The following GPC5 variants were observed in gnomAD, a reference collection of about 807,000 sequenced individuals.
GPC5 encodes glypican-5.
GPC5 carries 47 observed loss-of-function variants against 53.9 expected under a neutral mutation model. The ratio of observed to expected loss-of-function variants is 0.87; its 90% CI spans 0.69 to 1.11. The LOEUF (loss-of-function observed/expected upper bound fraction) is 1.11, where lower values mean the gene tolerates loss of function less well. Among genes scored for constraint, GPC5 ranks in the 50% most tolerant of loss-of-function variants. The pLI, the probability that GPC5 is intolerant of heterozygous loss-of-function variation, is 0.00. For missense variants in GPC5, 748 were observed against 713.1 expected (o/e 1.05, Z -0.56); for synonymous variants, 286 against 263.3 (o/e 1.09, Z -0.84).
intron 2 of GPC5, among the ~76,000 whole-genome samples, chr13:91,478,820 T>TAC (rs750424772): frequency 8.0e-5 from 9 of 112,814 alleles, no homozygotes; most frequent in Non-Finnish European, 1.2e-4. Context: ...TATATATATA[T>TAC]ATACACACAC....
intron 7 of GPC5, among the ~76,000 whole-genome samples, chr13:92,283,655 C>A (rs1355661507): frequency 1.3e-5 from 2 of 152,116 alleles, no homozygotes; most frequent in African/African-American, 4.8e-5. Context: ...GGGTACATAA[C>A]AAAATGAAGG....
chr13:92,453,058 C>G (rs1428670054), intron 7 of GPC5, among the ~76,000 whole-genome samples: 2 of 152,124 alleles, frequency 1.3e-5, no homozygotes, highest in Admixed American at 6.6e-5. Flanking sequence ...GATTGCAATA[C>G]CAACATAATC....
chr13:92,521,071 G>A (rs984623912), intron 7 of GPC5, among the ~76,000 whole-genome samples: 6 of 152,160 alleles, frequency 3.9e-5, no homozygotes, highest in Non-Finnish European at 7.3e-5. Flanking sequence ...ACTTACAAGG[G>A]ATGTGAAGGA....
At chr13:91,988,488 A>T (rs1255642596) in intron 6 of GPC5, among the ~76,000 whole-genome samples, 3 of 152,194 alleles carry the variant, frequency 2.0e-5, no homozygotes, top group African/African-American at 7.2e-5. Flanking sequence ...GATTCTAAGT[A>T]TCCAGATGAG....
At chr13:92,182,523 A>C (rs1277416639) in intron 7 of GPC5, among the ~76,000 whole-genome samples, 1 of 152,190 alleles carries the variant, frequency 6.6e-6, no homozygotes, top group Non-Finnish European at 1.5e-5. Context: ...AAAATGTAAA[A>C]TTGTTATGCC....
chr13:92,850,820 G>A (rs912300976), intron 7 of GPC5, among the ~76,000 whole-genome samples: 7 of 152,060 alleles, frequency 4.6e-5, no homozygotes, highest in African/African-American at 1.4e-4. Flanking sequence ...TACAGTTGAG[G>A]GTAAAAGTAA....
At chr13:91,542,326 C>A (rs572367226) in intron 2 of GPC5, among the ~76,000 whole-genome samples, 1 of 152,140 alleles carries the variant, frequency 6.6e-6, no homozygotes, top group South Asian at 2.1e-4. Flanking sequence ...TAAAAAGAGG[C>A]CCCATTTAAG....
At chr13:91,844,983 G>A (rs1040403389) in intron 5 of GPC5, among the ~76,000 whole-genome samples, 1 of 152,100 alleles carries the variant, frequency 6.6e-6, no homozygotes, top group Non-Finnish European at 1.5e-5. Flanking sequence ...TTGAAGAGTT[G>A]TAATAAAACA....
intron 5 of GPC5, among the ~76,000 whole-genome samples, chr13:91,766,480 A>G (rs754335679): frequency 2.0e-5 from 3 of 152,226 alleles, no homozygotes; most frequent in Non-Finnish European, 4.4e-5. Context: ...CCATGCTACT[A>G]AGGTTGTCAA....
chr13:91,851,380 T>C (rs1348234937), intron 5 of GPC5, among the ~76,000 whole-genome samples: 1 of 152,054 alleles, frequency 6.6e-6, no homozygotes, highest in Non-Finnish European at 1.5e-5. Flanking sequence ...GGACTGGAAG[T>C]TGCTCTAGGC....
chr13:92,339,797 T>TTTAATATATATATTAATATATATA (rs1310650378), intron 7 of GPC5: 6 of 152,126 alleles, frequency 3.9e-5, no homozygotes, highest in African/African-American at 1.4e-4. Flanking sequence ...AGCCAGATAG[T>TTTAATATATATATTAATATATATA]TTAATATAAC....
chr13:91,925,161 A>T (rs2039755247), intron 6 of GPC5, among the ~76,000 whole-genome samples: 1 of 152,148 alleles, frequency 6.6e-6, no homozygotes, highest in African/African-American at 2.4e-5. Context: ...AAGATATTGT[A>T]AATTTAAAAC....
At chr13:92,033,074 T>TGC (rs1555305902) in intron 6 of GPC5, among the ~76,000 whole-genome samples, 4 of 148,790 alleles carry the variant, frequency 2.7e-5, no homozygotes, top group African/African-American at 9.8e-5. Context: ...TGTGTGTGTG[T>TGC]GCTTCTCATT....
chr13:91,953,477 T>G (rs1302674376), intron 6 of GPC5, among the ~76,000 whole-genome samples: 1 of 152,054 alleles, frequency 6.6e-6, no homozygotes, highest in Non-Finnish European at 1.5e-5. Context: ...ATAAAATTGG[T>G]AAATCTCTTC....
intron 6 of GPC5, among the ~76,000 whole-genome samples, chr13:92,128,582 G>A (rs972455909): frequency 2.6e-5 from 4 of 152,154 alleles, no homozygotes; most frequent in African/African-American, 9.7e-5. Context: ...TCATTACTCT[G>A]TCAGAGAACT....
intron 7 of GPC5, among the ~76,000 whole-genome samples, chr13:92,577,781 A>G (rs1208482794): frequency 3.3e-5 from 5 of 151,894 alleles, no homozygotes; most frequent in Non-Finnish European, 1.5e-5. Flanking sequence ...TTTACAGAAG[A>G]AAAAGTAAAT....
At chr13:91,729,681 A>G (rs1274015733) in intron 4 of GPC5, among the ~76,000 whole-genome samples, 4 of 152,174 alleles carry the variant, frequency 2.6e-5, no homozygotes, top group African/African-American at 4.8e-5. Flanking sequence ...TTTTACATGT[A>G]AAGTAGCTGT....
chr13:91,660,608 G>T (rs1278325185), intron 2 of GPC5, among the ~76,000 whole-genome samples: 1 of 152,134 alleles, frequency 6.6e-6, no homozygotes, highest in Non-Finnish European at 1.5e-5. Flanking sequence ...ACTAAATTTT[G>T]GGATCATCTG....
At chr13:91,471,388 C>T (rs1882615605) in intron 2 of GPC5, among the ~76,000 whole-genome samples, 1 of 151,858 alleles carries the variant, frequency 6.6e-6, no homozygotes, top group South Asian at 2.1e-4. Flanking sequence ...ACATTTAATC[C>T]TTACTATGAA....
Sources: allele counts gnomAD v4.1 joint callset (sites outside exome capture counted in the v4.1 genomes callset), GRCh38; gene constraint gnomAD v4.1.1; transcripts MANE v1.5; gene names NCBI Gene and HGNC (gene_info 2026-07-23, HGNC 2026-07-21).